The following ANP32A variants were observed in gnomAD, a reference collection of about 807,000 sequenced individuals.
ANP32A encodes acidic nuclear phosphoprotein 32 family member A, also known as acidic leucine-rich nuclear phosphoprotein 32 family member A.
Under a neutral mutation model 33.9 loss-of-function variants are expected in ANP32A, and 1 was observed. That is an observed-to-expected ratio of 0.03 (90% CI 0.01 to 0.14). ANP32A has a LOEUF of 0.14. Among genes scored for constraint, ANP32A ranks in the 10% least tolerant of loss-of-function variants. ANP32A has a pLI of 1.00. For missense variants in ANP32A, 155 were observed against 306.0 expected (o/e 0.51, Z 3.68); for synonymous variants, 115 against 120.5 (o/e 0.95, Z 0.30).
chr15:68,805,442 A>C (rs747356042), intron 1 of ANP32A, among the ~76,000 whole-genome samples: 13 of 152,240 alleles, frequency 8.5e-5, no homozygotes, highest in Non-Finnish European at 1.2e-4. Context: ...TTGTTAATAA[A>C]TGCAATTTGG....
At chr15:68,786,252 CTT>C (rs558065991) in intron 3 of ANP32A, among the ~76,000 whole-genome samples, 3,001 of 89,958 alleles carry the variant, frequency 0.033, 49 homozygotes, top group African/African-American at 0.11. Context: ...GCTGCTGCTG[CTT>C]TTTTTTTTTT....
chr15:68,781,623 T>C (rs1567033431), intron 5 of ANP32A: 1 of 149,502 alleles, frequency 6.7e-6, no homozygotes, highest in African/African-American at 2.5e-5. Context: ...TTTTTTTTTT[T>C]AACTGAGTCT....
At chr15:68,820,398 G>A (rs540963698) in intron 1 of ANP32A, among the ~76,000 whole-genome samples, 1 of 152,000 alleles carries the variant, frequency 6.6e-6, no homozygotes, top group Non-Finnish European at 1.5e-5. Flanking sequence ...ACCCAAACGC[G>A]TGCGCCCGCC....
intron 1 of ANP32A, among the ~76,000 whole-genome samples, chr15:68,799,953 G>A (rs1459615936): frequency 2.0e-5 from 3 of 152,172 alleles, no homozygotes; most frequent in Non-Finnish European, 4.4e-5. Context: ...GAATCATAAA[G>A]AGACAGCTTT....
intron 1 of ANP32A, among the ~76,000 whole-genome samples, chr15:68,804,488 C>T (rs923571289): frequency 6.6e-6 from 1 of 152,172 alleles, no homozygotes; most frequent in African/African-American, 2.4e-5. Context: ...AAACAAAACA[C>T]ATTTTTAAAA....
At chr15:68,806,010 T>A (rs767057067) in intron 1 of ANP32A, among the ~76,000 whole-genome samples, 1 of 151,966 alleles carries the variant, frequency 6.6e-6, no homozygotes, top group Non-Finnish European at 1.5e-5. Context: ...AAGCCAAGGG[T>A]CAACCAGAAA....
intron 5 of ANP32A, among the ~76,000 whole-genome samples, chr15:68,781,778 A>G (rs1173633805): frequency 6.6e-6 from 1 of 151,938 alleles, no homozygotes; most frequent in African/African-American, 2.4e-5. Flanking sequence ...TAATTTTTAT[A>G]TTTTTAGTAG....
At chr15:68,786,205 C>A (rs1377713657) in intron 3 of ANP32A, among the ~76,000 whole-genome samples, 1 of 151,648 alleles carries the variant, frequency 6.6e-6, no homozygotes, top group Non-Finnish European at 1.5e-5. Context: ...CAATTGTCCT[C>A]CTGGCCTTTC....
intron 4 of ANP32A, among the ~76,000 whole-genome samples, chr15:68,783,746 G>T (rs1207562767): frequency 6.6e-6 from 1 of 151,744 alleles, no homozygotes; most frequent in East Asian, 1.9e-4. Context: ...CTTCCTGTAG[G>T]CCTCGACTAC....
Position 68,780,204 on chromosome 15 carries a change from AC to A in ANP32A, c.689-63del. ...TAATCCCACCTCTTTAACTCAACCC[AC>A]CCAGTGAGAAGTCAGGGGACCCATG... On this transcript the variant is annotated intron_variant, in intron 6 of 6. Coordinates refer to ENST00000465139, the MANE Select transcript of ANP32A (RefSeq NM_006305.4). This position sits in a 1 kb window ranked among gnomAD's most constrained non-coding sequence, Gnocchi z 4.3. 6.2e-7 allele frequency: 1 copy of A among 1,600,404 alleles called. No individual in the cohort carries two copies. Among genetic ancestry groups the A allele is most frequent in the Non-Finnish European group, 8.5e-7 (1 of 1,171,598 alleles).
chr15:68,811,068 A>C (rs896804060), intron 1 of ANP32A, among the ~76,000 whole-genome samples: 11 of 150,524 alleles, frequency 7.3e-5, no homozygotes, highest in Non-Finnish European at 1.5e-4. Flanking sequence ...TCTGGGAAAA[A>C]AAAAAAAAAA....
In ANP32A at chr15:68,780,411, A is replaced by G. The variant is rs770644778; in HGVS notation, c.687T>C (p.Gly229=). Reference sequence around the variant, plus strand: ...CTGAGAGTAAAAAGGCTGCCATACCACCAAGCTCTTCTTCATCTTCCTCGT... The same window carrying G: ...CTGAGAGTAAAAAGGCTGCCATACCGCCAAGCTCTTCTTCATCTTCCTCGT... The part of the protein sequence containing the change: ...VDDEEDEEEL[G]EEERGQKRKR... Residue 229 remains glycine (G), a splice_region_variant and synonymous_variant, in exon 6 of 7, where the codon GGT becomes GGC. Coordinates refer to ENST00000465139, the MANE Select transcript of ANP32A (RefSeq NM_006305.4). The surrounding 1 kb of genome is among the most constrained non-coding windows in gnomAD (Gnocchi z 4.3). 6.2e-7 allele frequency: 1 copy of G among 1,613,954 alleles called. No homozygotes were observed. The highest frequency in any genetic ancestry group is 1.7e-5 in the Admixed American group (1 of 60,022).
rs1596076015 is a variant in ANP32A, at chr15:68,813,676, G to A, written c.54+7022C>T. On this transcript the variant is annotated intron_variant, in intron 1 of 6. Transcript: ENST00000465139. ...GATGCTGGTGGCAAACATTTCTAAA[G>A]GAATGCCTCTCTAGACACCAGAGCT... Among the ~76,000 whole-genome samples the A allele has an allele frequency of 2.6e-5, 4 of 152,236 alleles. No individual in the cohort carries two copies. In the Middle Eastern group the frequency reaches 0.01, roughly 388 times the overall value.
chr15:68,782,561 C>T (rs917295199), intron 5 of ANP32A, among the ~76,000 whole-genome samples: 2 of 152,188 alleles, frequency 1.3e-5, no homozygotes, highest in African/African-American at 2.4e-5. Context: ...TATCCTGCTA[C>T]CTATCAGTTC....
intron 1 of ANP32A, among the ~76,000 whole-genome samples, chr15:68,796,317 G>A (rs1894063460): frequency 6.6e-6 from 1 of 152,166 alleles, no homozygotes. Flanking sequence ...CTGACCTCAT[G>A]TGATCCACCT....
At chr15:68,791,812 T>C (rs1018811362) in intron 1 of ANP32A, 1 of 152,680 alleles carries the variant, frequency 6.5e-6, no homozygotes, top group African/African-American at 2.4e-5. Flanking sequence ...CCAAACCACA[T>C]GGGGGAAAGA....
chr15:68,792,465 T>C (rs1894010207), intron 1 of ANP32A, among the ~76,000 whole-genome samples: 1 of 152,148 alleles, frequency 6.6e-6, no homozygotes, highest in African/African-American at 2.4e-5. Context: ...GTCCTGTACT[T>C]CCTGAAAAAC....
At chr15:68,816,233 A>C (rs1894379611) in intron 1 of ANP32A, among the ~76,000 whole-genome samples, 1 of 152,128 alleles carries the variant, frequency 6.6e-6, no homozygotes, top group South Asian at 2.1e-4. Flanking sequence ...GGAGAAGAAA[A>C]AGCTCTTCCT....
intron 1 of ANP32A, among the ~76,000 whole-genome samples, chr15:68,815,397 T>G (rs1159969632): frequency 6.6e-6 from 1 of 151,140 alleles, no homozygotes; most frequent in East Asian, 1.9e-4. Context: ...GTTCAGAATA[T>G]ATTGAGTACA....
Sources: allele counts gnomAD v4.1 joint callset (sites outside exome capture counted in the v4.1 genomes callset), GRCh38; gene constraint gnomAD v4.1.1; non-coding constraint Gnocchi (gnomAD v3.1); transcripts MANE v1.5; gene names NCBI Gene and HGNC (gene_info 2026-07-23, HGNC 2026-07-21).